Variants in FHL2 observed in about 807,000 individuals in gnomAD.
FHL2 encodes four and a half LIM domains 2, also known as four and a half LIM domains protein 2.
In FHL2, 20 loss-of-function variants were observed where a neutral mutation model predicts 32.7. The ratio of observed to expected loss-of-function variants is 0.61; its 90% CI spans 0.43 to 0.89. The LOEUF (loss-of-function observed/expected upper bound fraction) is 0.89, where lower values mean the gene tolerates loss of function less well. Among genes scored for constraint, FHL2 ranks in the 40% least tolerant of loss-of-function variants. FHL2 has a pLI of 0.00. For missense variants in FHL2, 311 were observed against 358.6 expected (o/e 0.87, Z 1.07); for synonymous variants, 123 against 128.1 (o/e 0.96, Z 0.27).
At position 105,373,604 on chromosome 2, in the gene FHL2, C is replaced by T. The variant is rs754989553; in HGVS notation, c.286G>A (p.Glu96Lys). 7 of 1,614,220 alleles carry T rather than the reference C, an allele frequency of 4.3e-6. No individual in the cohort carries two copies. Among genetic ancestry groups the T allele is most frequent in the Non-Finnish European group, 5.9e-6 (7 of 1,180,040 alleles). The change falls in exon 4 of 7, where the codon GAG (glutamate) becomes AAG (lysine). Residue 96 changes from glutamate to lysine, a missense_variant. Coordinates refer to ENST00000530340, the MANE Select transcript of FHL2 (RefSeq NM_001318895.3). ...CATTCCTGGCACTTGGATGAGTACT[C>T]GTTGGAATAGCAGTCTGTACAGAGC... ...QLLCTDCYSN[E>K]YSSKCQECKK...
chr2:105,370,335 A>G (rs1680959028), intron 4 of FHL2, among the ~76,000 whole-genome samples: 1 of 152,140 alleles, frequency 6.6e-6, no homozygotes, highest in East Asian at 1.9e-4. Flanking sequence ...TGATCGTACC[A>G]CTACTCTCCC....
chr2:105,383,083 G>A (rs1366317329), intron 3 of FHL2, among the ~76,000 whole-genome samples: 8 of 152,168 alleles, frequency 5.3e-5, no homozygotes, highest in Admixed American at 1.3e-4. Flanking sequence ...ACGGGGTTTC[G>A]CCATGTTGGC....
intron 3 of FHL2, among the ~76,000 whole-genome samples, chr2:105,383,396 A>T (rs148489691): frequency 6.6e-6 from 1 of 152,198 alleles, no homozygotes; most frequent in African/African-American, 2.4e-5. Flanking sequence ...AATAATCTTT[A>T]CCCTTTGAGA....
intron 1 of FHL2, among the ~76,000 whole-genome samples, chr2:105,429,218 C>T (rs376407814): frequency 3.9e-5 from 6 of 152,268 alleles, no homozygotes; most frequent in African/African-American, 1.4e-4. Context: ...GTCAAGAAAT[C>T]GGCTGGGAGT....
chr2:105,417,556 T>C (rs1683969286), intron 1 of FHL2, among the ~76,000 whole-genome samples: 1 of 151,598 alleles, frequency 6.6e-6, no homozygotes, highest in Non-Finnish European at 1.5e-5. Context: ...TGGCAGCGTG[T>C]GCCTGTAGTC....
chr2:105,370,575 T>G (rs1308370441), intron 4 of FHL2, among the ~76,000 whole-genome samples: 2 of 152,000 alleles, frequency 1.3e-5, no homozygotes, highest in Non-Finnish European at 2.9e-5. Context: ...CTGACTTGTG[T>G]GGGGGGTGTG....
Position 105,361,098 on chromosome 2 carries a change from CT to C in FHL2, c.*184del, listed in dbSNP as rs1261329295. The C allele has an allele frequency of 1.9e-6, 1 of 520,146 alleles. No individual in the cohort carries two copies. Among genetic ancestry groups the C allele is most frequent in the Non-Finnish European group, 3.2e-6 (1 of 311,758 alleles). The allele number at this position is 520,146 out of a possible 1,614,324, so 32.2% of individuals were successfully genotyped here. A position where few individuals can be genotyped will look rare whatever the true frequency, so the allele number is the denominator to read the frequency against. On this transcript the variant is annotated 3_prime_UTR_variant, in exon 7 of 7. Transcript: ENST00000530340. ...ACCTAGGGCCTAGGGCGAGTTTTCT[CT>C]TTCCCTGGGACTGAACTATCACAAA...
chr2:105,391,739 A>T (rs1174508508), intron 2 of FHL2, among the ~76,000 whole-genome samples: 2 of 152,220 alleles, frequency 1.3e-5, no homozygotes, highest in Non-Finnish European at 2.9e-5. Context: ...AAAGTAGGAC[A>T]TCTTGGTTCT....
chr2:105,415,083 C>T (rs1321068281), intron 1 of FHL2, among the ~76,000 whole-genome samples: 1 of 152,200 alleles, frequency 6.6e-6, no homozygotes, highest in African/African-American at 2.4e-5. Context: ...CTAGAACATT[C>T]TTTAAGGTAG....
chr2:105,430,488 G>A (rs548466737), intron 1 of FHL2, among the ~76,000 whole-genome samples: 5 of 152,326 alleles, frequency 3.3e-5, no homozygotes, highest in African/African-American at 9.6e-5. Context: ...CCAACATGGT[G>A]TAACCTCGTC....
At chr2:105,419,458 G>C (rs1914749) in intron 1 of FHL2, among the ~76,000 whole-genome samples, 89,563 of 152,004 alleles carry the variant, frequency 0.59, 27,222 homozygotes, top group African/African-American at 0.74. Context: ...GCAGAAAAAG[G>C]AGGACATAAA....
intron 1 of FHL2, among the ~76,000 whole-genome samples, chr2:105,425,221 T>C (rs1162809015): frequency 2.0e-5 from 2 of 102,530 alleles, no homozygotes; most frequent in Non-Finnish European, 3.8e-5. Flanking sequence ...ATGTGTTGTA[T>C]AAAATCAAGG....
intron 6 of FHL2, among the ~76,000 whole-genome samples, chr2:105,362,688 T>C (rs957775997): frequency 3.3e-5 from 5 of 152,246 alleles, no homozygotes; most frequent in African/African-American, 1.2e-4. Context: ...AGGACTTTAG[T>C]GTGAACTCCT....
intron 1 of FHL2, among the ~76,000 whole-genome samples, chr2:105,417,629 A>T (rs1299405703): frequency 1.4e-5 from 2 of 141,172 alleles, no homozygotes; most frequent in Non-Finnish European, 3.0e-5. Flanking sequence ...GGTTGCAGTG[A>T]GTCAAGATTG....
At chr2:105,424,338 T>C (rs1195226595) in intron 1 of FHL2, among the ~76,000 whole-genome samples, 6 of 152,190 alleles carry the variant, frequency 3.9e-5, no homozygotes, top group African/African-American at 1.2e-4. Context: ...TACCATCTCA[T>C]GCCAGTTAGA....
intron 1 of FHL2, among the ~76,000 whole-genome samples, chr2:105,427,575 C>A (rs1031633015): frequency 2.0e-5 from 3 of 152,156 alleles, no homozygotes; most frequent in African/African-American, 7.2e-5. Context: ...ATAGGATAAA[C>A]GTGTCCCTGA....
chr2:105,386,555 A>C lies in FHL2; in HGVS notation c.-24-15T>G. The C allele has an allele frequency of 6.2e-7, 1 of 1,613,242 alleles. No individual in the cohort carries two copies. The highest frequency in any genetic ancestry group is 8.5e-7 in the Non-Finnish European group (1 of 1,179,738). ...TTTTCAGCAACCTATCAAAAAGAAA[A>C]GAAAATCCAAGTCCCATTAAGCACT... On this transcript the variant is annotated splice_polypyrimidine_tract_variant and intron_variant, in intron 2 of 6. Transcript: ENST00000530340.
Position 105,368,334 on chromosome 2 carries a change from GT to G in FHL2, c.332-596del, listed in dbSNP as rs923516898. ...GTGCTATAATTAAAACCTACATGTA[GT>G]TTTTTTTTGTTTTCGAGACAGGGTC... On this transcript the variant is annotated intron_variant, in intron 4 of 6. Transcript: ENST00000530340. Among the ~76,000 whole-genome samples, 51 of 151,728 alleles carry G rather than the reference GT, an allele frequency of 3.4e-4. 1 individual carries two copies. Among genetic ancestry groups the G allele is most frequent in the South Asian group, 1.9e-3 (9 of 4,796 alleles).
chr2:105,368,924 CAA>C (rs1361131308), intron 4 of FHL2, among the ~76,000 whole-genome samples: 1 of 152,198 alleles, frequency 6.6e-6, no homozygotes, highest in African/African-American at 2.4e-5. Context: ...GCCTGCTTTT[CAA>C]ATGAAGTTTT....
Sources: allele counts gnomAD v4.1 joint callset (sites outside exome capture counted in the v4.1 genomes callset), GRCh38; gene constraint gnomAD v4.1.1; transcripts MANE v1.5; gene names NCBI Gene and HGNC (gene_info 2026-07-23, HGNC 2026-07-21).